The following ANKUB1 variants were observed in gnomAD, a reference collection of about 807,000 sequenced individuals.
The protein encoded by ANKUB1 is ankyrin repeat and ubiquitin domain containing 1, also known as protein ANKUB1.
In ANKUB1, 42 loss-of-function variants were observed where a neutral mutation model predicts 49.3. The ratio of observed to expected loss-of-function variants is 0.85; its 90% CI spans 0.67 to 1.10. The LOEUF is 1.10. Ranked by LOEUF, ANKUB1 falls within the 50% of genes least tolerant of loss-of-function variation. The pLI is 0.00. For missense variants in ANKUB1, 613 were observed against 642.0 expected (o/e 0.95, Z 0.49); for synonymous variants, 222 against 231.0 (o/e 0.96, Z 0.35).
chr3:149,768,635 G>T (rs1219632676), intron 4 of ANKUB1, among the ~76,000 whole-genome samples: 1 of 151,974 alleles, frequency 6.6e-6, no homozygotes, highest in East Asian at 1.9e-4. Flanking sequence ...TCCACCTCCC[G>T]AGTTGAAGCA....
At chr3:149,772,982 C>A (rs1049446798) in intron 3 of ANKUB1, among the ~76,000 whole-genome samples, 1 of 152,202 alleles carries the variant, frequency 6.6e-6, no homozygotes, top group Non-Finnish European at 1.5e-5. Flanking sequence ...GACCAGCCCA[C>A]TCAGCAGCCC....
chr3:149,782,847 C>A (rs1717928684), intron 2 of ANKUB1, among the ~76,000 whole-genome samples: 1 of 152,110 alleles, frequency 6.6e-6, no homozygotes, highest in Non-Finnish European at 1.5e-5. Context: ...GCTGATCTGA[C>A]AATCTTTAGA....
chr3:149,761,763 C>G (rs750467114), intron 5 of ANKUB1, 150 bp from the exon 6 acceptor site: 5 of 880,620 alleles, frequency 5.7e-6, no homozygotes, highest in Non-Finnish European at 6.6e-6. Flanking sequence ...AGTAATCTTT[C>G]TAAAACAAGT....
Position 149,767,538 on chromosome 3 carries a change from A to G in ANKUB1, c.1124T>C (p.Leu375Pro). ...TTGTTTGCTGAGAGATGGTAGCTTG[A>G]GCACGATGCTTTGTGAGTCGCTGTT... The part of the protein sequence containing the change: ...AGNSDSQSIV[L>P]KLPSLSKQTA... Residue 375 changes from leucine (L) to proline (P), a missense_variant, in exon 5 of 6, where the codon CTC (leucine) becomes CCC (proline). Physicochemically the swap from Leu to Pro is moderately conservative, Grantham distance 98. Transcript: ENST00000446160. 6.4e-7 allele frequency: 1 copy of G among 1,551,546 alleles called. No homozygotes were observed. The highest frequency in any genetic ancestry group is 1.2e-5 in the South Asian group (1 of 84,038).
chr3:149,778,864 A>G (rs1717723347), intron 3 of ANKUB1: 1 of 152,240 alleles, frequency 6.6e-6, no homozygotes, highest in Admixed American at 6.5e-5. Context: ...TACTTAACTA[A>G]GGATACCTAC....
intron 5 of ANKUB1, chr3:149,764,048 TGAA>T: frequency 2.2e-6 from 1 of 456,214 alleles, no homozygotes; most frequent in Admixed American, 2.3e-5. Flanking sequence ...GTCAGCATCA[TGAA>T]GGATTACATT....
At chr3:149,783,315 C>G (rs1336565400) in intron 2 of ANKUB1, 2 of 152,164 alleles carry the variant, frequency 1.3e-5, no homozygotes, top group Non-Finnish European at 2.9e-5. Context: ...CAGTCACAAC[C>G]AACGAAGTCA....
intron 2 of ANKUB1, among the ~76,000 whole-genome samples, chr3:149,786,118 C>T (rs1015505209): frequency 6.6e-6 from 1 of 152,190 alleles, no homozygotes; most frequent in African/African-American, 2.4e-5. Flanking sequence ...TCACTGCAAG[C>T]TCCACCTCCT....
At chr3:149,773,533 C>T (rs1717456090) in intron 3 of ANKUB1, among the ~76,000 whole-genome samples, 1 of 152,198 alleles carries the variant, frequency 6.6e-6, no homozygotes, top group Admixed American at 6.5e-5. Context: ...CCTTGATAAA[C>T]ATTTTCCAAA....
chr3:149,766,623 GTCC>G (rs1406463661), intron 5 of ANKUB1: 4 of 471,354 alleles, frequency 8.5e-6, no homozygotes, highest in African/African-American at 7.9e-5. Flanking sequence ...AACATGGTGA[GTCC>G]TCATCTCTAC....
At chr3:149,788,617 C>T (rs1718219731) in intron 2 of ANKUB1, among the ~76,000 whole-genome samples, 1 of 152,078 alleles carries the variant, frequency 6.6e-6, no homozygotes, top group Non-Finnish European at 1.5e-5. Flanking sequence ...TTTAAAACTT[C>T]AGGTAAAAGA....
At chr3:149,787,886 A>G (rs1397768796) in intron 2 of ANKUB1, among the ~76,000 whole-genome samples, 2 of 152,350 alleles carry the variant, frequency 1.3e-5, no homozygotes, top group East Asian at 3.9e-4. Flanking sequence ...TTCATGAGAC[A>G]TAATATCTAC....
At chr3:149,786,323 C>G (rs190245304) in intron 2 of ANKUB1, among the ~76,000 whole-genome samples, 6 of 152,326 alleles carry the variant, frequency 3.9e-5, no homozygotes, top group African/African-American at 1.2e-4. Context: ...GCGTGAGCCA[C>G]CGCTCCCAGC....
At chr3:149,790,704 T>G in intron 2 of ANKUB1, 77 bp downstream of exon 2, 1 of 1,364,032 alleles carries the variant, frequency 7.3e-7, no homozygotes, top group Non-Finnish European at 9.8e-7. Context: ...GTTATGGAAT[T>G]ACTTTGGTTG....
chr3:149,773,054 A>G (rs1231346182), intron 3 of ANKUB1, among the ~76,000 whole-genome samples: 2 of 152,244 alleles, frequency 1.3e-5, no homozygotes, highest in African/African-American at 2.4e-5. Context: ...CTTCTCAGCC[A>G]GCTGGGAATT....
chr3:149,790,641 C>G (rs928207145), intron 2 of ANKUB1, 140 bp downstream of exon 2: 40 of 818,642 alleles, frequency 4.9e-5, no homozygotes, highest in Admixed American at 3.0e-4. Flanking sequence ...TGCGTAAGAC[C>G]TGTTATACAA....
In ANKUB1 at chr3:149,792,328, C is replaced by A. The variant is rs372356779; in HGVS notation, c.39G>T (p.Pro13=). The A allele has an allele frequency of 3.9e-6, 6 of 1,532,120 alleles. No homozygotes were observed. In the East Asian group the frequency reaches 1.3e-4, roughly 32 times the overall value. 94.9% of individuals were successfully genotyped at this position (1,532,120 alleles called of 1,614,324 possible). ...CAGTTTCATCTGCTGAAACATCAAA[C>A]GGTTCAAAAGATCCTTCAAAGGCGA... is the stretch of plus-strand genomic sequence containing the variant. ...IFIAFEGSFE[P]FDVSADETVE... The change falls in exon 1 of 6, where the codon CCG becomes CCT. Residue 13 remains proline, a synonymous_variant. Transcript: ENST00000446160.
At chr3:149,775,421 G>T (rs1717549357) in intron 3 of ANKUB1, among the ~76,000 whole-genome samples, 1 of 152,166 alleles carries the variant, frequency 6.6e-6, no homozygotes, top group South Asian at 2.1e-4. Flanking sequence ...TCATTTATTA[G>T]CAGTGTAATC....
chr3:149,761,198 A>C lies in ANKUB1; in HGVS notation c.*286T>G, dbSNP rs1219339898. ...AAACAAAGGAACTGTAAAAATTCCC[A>C]CTTCCTTGTTTTCCATTGTCTCAGC... On this transcript the variant is annotated 3_prime_UTR_variant, in exon 6 of 6. Transcript: ENST00000446160. 1 of 221,338 alleles carries C rather than the reference A, an allele frequency of 4.5e-6. No homozygotes were observed. The highest frequency in any genetic ancestry group is 8.7e-6 in the Non-Finnish European group (1 of 114,854). 13.7% of individuals were successfully genotyped at this position (221,338 alleles called of 1,614,324 possible).
Sources: allele counts gnomAD v4.1 joint callset (sites outside exome capture counted in the v4.1 genomes callset), GRCh38; gene constraint gnomAD v4.1.1; transcripts MANE v1.5; gene names NCBI Gene and HGNC (gene_info 2026-07-23, HGNC 2026-07-21).